Variants in C12orf54 observed in about 807,000 individuals in gnomAD.
C12orf54 encodes the protein uncharacterized protein C12orf54.
Under a neutral mutation model 26.4 loss-of-function variants are expected in C12orf54, and 24 were observed. That is an observed-to-expected ratio of 0.91 (90% CI 0.66 to 1.28). The LOEUF (loss-of-function observed/expected upper bound fraction) is 1.28. C12orf54 is among the 50% of genes most tolerant of loss of function. The pLI is 0.00. For synonymous variants in C12orf54, 54 were observed against 47.0 expected, an observed-to-expected ratio of 1.15 and a Z score of -0.61; for missense variants, 154 against 150.9, an observed-to-expected ratio of 1.02 and a Z score of -0.11.
At chr12:48,465,644 C>T in the C12orf54 span, among the ~76,000 whole-genome samples, 1 of 151,992 alleles carries the variant, frequency 6.6e-6, no homozygotes, top group Non-Finnish European at 1.5e-5. Flanking sequence ...TTCAAAATAA[C>T]AAAGACATGA....
the C12orf54 span, among the ~76,000 whole-genome samples, chr12:48,475,921 A>C: frequency 1.8e-4 from 27 of 152,074 alleles, no homozygotes; most frequent in African/African-American, 6.3e-4. Context: ...CCTCGAGAAG[A>C]GCAACTCCAA....
the C12orf54 span, among the ~76,000 whole-genome samples, chr12:48,451,198 T>C: frequency 6.6e-6 from 1 of 152,116 alleles, no homozygotes; most frequent in South Asian, 2.1e-4. Context: ...TCAGTAAATG[T>C]GATTCATCAC....
At chr12:48,469,259 T>TA in the C12orf54 span, among the ~76,000 whole-genome samples, 9 of 152,196 alleles carry the variant, frequency 5.9e-5, no homozygotes, top group Non-Finnish European at 1.0e-4. Flanking sequence ...TTTCATCCTT[T>TA]ATCTACAACT....
the C12orf54 span, among the ~76,000 whole-genome samples, chr12:48,437,125 C>G: frequency 3.9e-5 from 6 of 152,330 alleles, no homozygotes; most frequent in South Asian, 8.3e-4. Flanking sequence ...ATAAACATCT[C>G]TACTCAAATA....
the C12orf54 span, among the ~76,000 whole-genome samples, chr12:48,435,266 A>G: frequency 6.6e-6 from 1 of 152,344 alleles, no homozygotes; most frequent in East Asian, 1.9e-4. Flanking sequence ...CTATGTGAAA[A>G]GACCAAATCT....
chr12:48,452,745 T>C, the C12orf54 span, among the ~76,000 whole-genome samples: 4 of 152,006 alleles, frequency 2.6e-5, no homozygotes, highest in Non-Finnish European at 5.9e-5. Flanking sequence ...AACAAACATA[T>C]GAAAAAAACT....
At chr12:48,428,898 CG>C in the C12orf54 span, among the ~76,000 whole-genome samples, 3 of 152,080 alleles carry the variant, frequency 2.0e-5, no homozygotes, top group Admixed American at 6.6e-5. Context: ...CCCTCATGAA[CG>C]TAGATGCTAA....
At chr12:48,449,141 A>G in the C12orf54 span, among the ~76,000 whole-genome samples, 1 of 152,222 alleles carries the variant, frequency 6.6e-6, no homozygotes, top group Non-Finnish European at 1.5e-5. Flanking sequence ...GAAGTCTCAT[A>G]GTGGCTGCCC....
chr12:48,415,027 A>C, the C12orf54 span, among the ~76,000 whole-genome samples: 1 of 152,224 alleles, frequency 6.6e-6, no homozygotes, highest in African/African-American at 2.4e-5. Flanking sequence ...CATGAGCCCC[A>C]TTCAGCATCT....
the C12orf54 span, among the ~76,000 whole-genome samples, chr12:48,428,089 A>G: frequency 6.6e-6 from 1 of 152,146 alleles, no homozygotes; most frequent in African/African-American, 2.4e-5. Flanking sequence ...CAAAAATGAA[A>G]TCAAGATGGA....
the C12orf54 span, among the ~76,000 whole-genome samples, chr12:48,449,367 A>G: frequency 1.3e-5 from 2 of 152,192 alleles, no homozygotes; most frequent in African/African-American, 4.8e-5. Context: ...ACATGTTTTG[A>G]GGTAAAATAC....
At chr12:48,421,782 A>C in the C12orf54 span, among the ~76,000 whole-genome samples, 2 of 152,068 alleles carry the variant, frequency 1.3e-5, no homozygotes, top group East Asian at 3.9e-4. Flanking sequence ...CACCCGCCTC[A>C]GCCTCCCAAA....
the C12orf54 span, among the ~76,000 whole-genome samples, chr12:48,474,995 C>G: frequency 8.5e-5 from 13 of 152,208 alleles, no homozygotes; most frequent in Non-Finnish European, 1.3e-4. Context: ...GGAGGCACCC[C>G]CCAGTAGGGG....
At chr12:48,454,272 T>C in the C12orf54 span, among the ~76,000 whole-genome samples, 10 of 152,006 alleles carry the variant, frequency 6.6e-5, no homozygotes, top group Admixed American at 5.2e-4. Context: ...TAATTTTTTT[T>C]GTATTTTTAC....
chr12:48,486,886 T>A (rs1263874990), intron 4 of C12orf54, among the ~76,000 whole-genome samples, 160 bp downstream of exon 4: 1 of 152,168 alleles, frequency 6.6e-6, no homozygotes, highest in Non-Finnish European at 1.5e-5. Context: ...GCTCGTGCAG[T>A]CTCATATCCT....
chr12:48,425,293 C>A, the C12orf54 span, among the ~76,000 whole-genome samples: 1 of 152,086 alleles, frequency 6.6e-6, no homozygotes, highest in African/African-American at 2.4e-5. Context: ...CCCATGTGTT[C>A]TCATCATTTC....
At chr12:48,466,544 TAA>T in the C12orf54 span, among the ~76,000 whole-genome samples, 244 of 147,226 alleles carry the variant, frequency 1.7e-3, no homozygotes, top group Admixed American at 7.5e-3. Context: ...AACTTTGCCT[TAA>T]AAAAAAAAAA....
the C12orf54 span, among the ~76,000 whole-genome samples, chr12:48,436,813 A>G: frequency 3.3e-5 from 5 of 152,242 alleles, no homozygotes; most frequent in African/African-American, 1.2e-4. Flanking sequence ...GGAAAGATCT[A>G]AAATTGACAT....
chr12:48,476,191 A>G, the C12orf54 span, among the ~76,000 whole-genome samples: 2 of 152,186 alleles, frequency 1.3e-5, no homozygotes, highest in African/African-American at 2.4e-5. Context: ...AGACAAGCAA[A>G]TGCTGAGAGA....
Sources: allele counts gnomAD v4.1 joint callset (sites outside exome capture counted in the v4.1 genomes callset), GRCh38; gene constraint gnomAD v4.1.1; transcripts MANE v1.5; gene names NCBI Gene and HGNC (gene_info 2026-07-23, HGNC 2026-07-21).